The following PREP variants were observed in gnomAD, a reference collection of about 807,000 sequenced individuals.
PREP encodes prolyl endopeptidase.
In PREP, 29 loss-of-function variants were observed where a neutral mutation model predicts 87.6. The observed-to-expected ratio is 0.33, with a 90% confidence interval of 0.25 to 0.45. The LOEUF is 0.45. Among genes scored for constraint, PREP ranks in the 20% least tolerant of loss-of-function variants. The pLI is 1.00. For synonymous variants in PREP, 337 were observed against 328.6 expected, an observed-to-expected ratio of 1.03 and a Z score of -0.28; for missense variants, 695 against 886.5, an observed-to-expected ratio of 0.78 and a Z score of 2.74.
chr6:105,358,212 G>T (rs547287301), intron 6 of PREP, among the ~76,000 whole-genome samples: 1 of 151,796 alleles, frequency 6.6e-6, no homozygotes, highest in Non-Finnish European at 1.5e-5. Flanking sequence ...AAAATTAAAA[G>T]AATTACTATA....
chr6:105,346,458 A>G (rs57760963), intron 7 of PREP, among the ~76,000 whole-genome samples: 45,592 of 152,182 alleles, frequency 0.3, 8,580 homozygotes, highest in African/African-American at 0.54. Flanking sequence ...TTAATGACAC[A>G]AAAGCCTTAA....
Position 105,322,218 on chromosome 6 carries a change from A to G in PREP, c.1317+1447T>C, listed in dbSNP as rs926062833. On this transcript the variant is annotated intron_variant, in intron 10 of 14. Transcript: ENST00000652536. ...CCCCTACAGGATCTCCCTCCAGGCA[A>G]TGGCTCACCATGAAAACAAAATAAG... 1.3e-4 allele frequency: 112 copies of G among 844,950 alleles called. No homozygotes were observed. In the African/African-American group the frequency reaches 1.9e-3, roughly 15 times the overall value. The allele number at this position is 844,950 out of a possible 1,614,324, so 52.3% of individuals were successfully genotyped here.
chr6:105,276,211 T>C lies in PREP; in HGVS notation c.*1933A>G, dbSNP rs17065720. Among the ~76,000 whole-genome samples, 1,706 of 152,286 alleles carry C rather than the reference T, an allele frequency of 0.011. 37 individuals are homozygous for C. The highest frequency in any genetic ancestry group is 0.039 in the African/African-American group (1,632 of 41,554). ...TGAAAATCTAGACACAAAAATTAGG[T>C]TGGAAAAGAGAACTCGTAACTGGAG... On this transcript the variant is annotated 3_prime_UTR_variant, in exon 15 of 15. Coordinates refer to ENST00000652536, the MANE Select transcript of PREP (RefSeq NM_002726.5).
At chr6:105,378,670 A>G (rs1772757007) in intron 2 of PREP, among the ~76,000 whole-genome samples, 1 of 152,246 alleles carries the variant, frequency 6.6e-6, no homozygotes, top group South Asian at 2.1e-4. Flanking sequence ...AAACTTGGCT[A>G]CTAGTAATTC....
chr6:105,379,542 A>T (rs1379057603), intron 2 of PREP, among the ~76,000 whole-genome samples: 1 of 152,248 alleles, frequency 6.6e-6, no homozygotes. Flanking sequence ...AAGTGGTATT[A>T]AAGTCCCCTG....
At chr6:105,376,314 C>A in intron 3 of PREP, 59 bp from the exon 4 acceptor site, 1 of 1,556,062 alleles carries the variant, frequency 6.4e-7, no homozygotes, top group South Asian at 1.2e-5. Flanking sequence ...GGAGTAAAAC[C>A]AAACACACAC....
At chr6:105,350,785 C>T (rs567793321) in intron 7 of PREP, among the ~76,000 whole-genome samples, 8 of 152,202 alleles carry the variant, frequency 5.3e-5, no homozygotes, top group Non-Finnish European at 1.2e-4. Flanking sequence ...AAAAGAATTA[C>T]TCTGAAGTTT....
intron 12 of PREP, among the ~76,000 whole-genome samples, chr6:105,283,012 G>C (rs774216228): frequency 6.6e-6 from 1 of 152,206 alleles, no homozygotes; most frequent in African/African-American, 2.4e-5. Flanking sequence ...CTGGCTGTGG[G>C]AGTGCTCGTG....
chr6:105,329,998 G>A (rs1456138643), intron 8 of PREP, among the ~76,000 whole-genome samples: 1 of 152,190 alleles, frequency 6.6e-6, no homozygotes, highest in Non-Finnish European at 1.5e-5. Flanking sequence ...GAAGGCCACA[G>A]CCAGGAATGA....
chr6:105,343,120 C>T (rs1174594622), intron 7 of PREP, among the ~76,000 whole-genome samples: 5 of 152,226 alleles, frequency 3.3e-5, no homozygotes, highest in African/African-American at 1.2e-4. Flanking sequence ...TACCTGACTT[C>T]AAACTATACT....
At chr6:105,400,529 GTCCCT>G (rs1773399347) in intron 1 of PREP, among the ~76,000 whole-genome samples, 1 of 152,124 alleles carries the variant, frequency 6.6e-6, no homozygotes, top group African/African-American at 2.4e-5. Flanking sequence ...AATGTCCTTT[GTCCCT>G]TACCCAACTG....
chr6:105,399,828 C>T (rs1471323108), intron 1 of PREP, among the ~76,000 whole-genome samples: 5 of 152,182 alleles, frequency 3.3e-5, no homozygotes, highest in Non-Finnish European at 5.9e-5. Context: ...ATGCCCAGAA[C>T]CATATCAAGT....
chr6:105,374,095 A>G (rs901931437), intron 4 of PREP, among the ~76,000 whole-genome samples: 1 of 152,230 alleles, frequency 6.6e-6, no homozygotes, highest in African/African-American at 2.4e-5. Context: ...TACCTGTGCA[A>G]TGTCCACACT....
chr6:105,402,104 A>T (rs1361991873), intron 1 of PREP, among the ~76,000 whole-genome samples: 1 of 152,054 alleles, frequency 6.6e-6, no homozygotes, highest in African/African-American at 2.4e-5. Flanking sequence ...ATGGTGGTCA[A>T]CTCCGCCACT....
At chr6:105,333,649 A>G in intron 7 of PREP, 144 bp from the exon 8 acceptor site, 1 of 859,952 alleles carries the variant, frequency 1.2e-6, no homozygotes, top group Non-Finnish European at 1.8e-6. Flanking sequence ...GAAAAGGAGC[A>G]AGAACCAGTT....
At position 105,288,858 on chromosome 6, in the gene PREP, T is replaced by A; in HGVS notation, c.1354A>T (p.Met452Leu). 6.2e-7 allele frequency: 1 copy of A among 1,613,530 alleles called. No individual in the cohort carries two copies. Among genetic ancestry groups the A allele is most frequent in the Non-Finnish European group, 8.5e-7 (1 of 1,179,428 alleles). The change falls in exon 11 of 15, where the codon ATG (methionine) becomes TTG (leucine). Residue 452 changes from methionine to leucine, a missense_variant. By Grantham distance (15) the Met-to-Leu change is conservative. This residue lies in a region of PREP where 517 missense variants were observed against 620.3 expected (regional missense o/e 0.83). Transcript: ENST00000652536. ...YPSKDGTKIPMFIVHKKGIKL... is the reference protein window; with the variant it reads ...YPSKDGTKIPLFIVHKKGIKL... ...ATGCCTTTTTTATGCACAATGAACA[T>A]TGGAATCTTCGTACCATCCTTGCTA...
chr6:105,311,885 A>T (rs117099854), intron 10 of PREP, among the ~76,000 whole-genome samples: 1,985 of 152,054 alleles, frequency 0.013, 20 homozygotes, highest in Non-Finnish European at 0.021. Context: ...ATCCCAGAAC[A>T]CTCCTTCGTT....
At chr6:105,389,276 T>C (rs1773079993) in intron 2 of PREP, among the ~76,000 whole-genome samples, 1 of 152,144 alleles carries the variant, frequency 6.6e-6, no homozygotes, top group Non-Finnish European at 1.5e-5. Flanking sequence ...GAATATTACT[T>C]TAACTCTTTA....
At chr6:105,373,133 C>T (rs1772599649) in intron 5 of PREP, among the ~76,000 whole-genome samples, 1 of 152,174 alleles carries the variant, frequency 6.6e-6, no homozygotes, top group African/African-American at 2.4e-5. Flanking sequence ...TCAGCCAAGG[C>T]CAGAAGAACT....
Sources: gnomAD v4.1 joint callset for allele counts (sites outside exome capture counted in the v4.1 genomes callset) on GRCh38, gnomAD v4.1.1 for gene constraint, gnomAD v4.1.1 regional missense constraint, MANE v1.5 for transcripts, NCBI Gene and HGNC (gene_info 2026-07-23, HGNC 2026-07-21) for gene names.